Variants in PWWP2A observed in about 807,000 individuals in gnomAD.
The protein encoded by PWWP2A is PWWP domain-containing protein 2A.
PWWP2A carries 18 observed loss-of-function variants against 48.5 expected under a neutral mutation model. The ratio of observed to expected loss-of-function variants is 0.37; its 90% CI spans 0.26 to 0.55. The LOEUF is 0.55. PWWP2A is among the 20% of genes least tolerant of loss of function. The probability of loss-of-function intolerance (pLI) is 0.81; values close to 1 mark genes in which losing one functional copy is unlikely to be tolerated. For missense variants in PWWP2A, 867 were observed against 976.4 expected (o/e 0.89, Z 1.49); for synonymous variants, 396 against 387.7 (o/e 1.02, Z -0.25).
At chr5:160,098,332 A>G (rs1300602359) in intron 1 of PWWP2A, among the ~76,000 whole-genome samples, 2 of 152,216 alleles carry the variant, frequency 1.3e-5, no homozygotes, top group Non-Finnish European at 2.9e-5. Flanking sequence ...GTGTGTGGGT[A>G]GTGAATGCCT....
chr5:160,075,423 G>A (rs1038502228), downstream of PWWP2A, among the ~76,000 whole-genome samples: 13 of 152,108 alleles, frequency 8.5e-5, no homozygotes, highest in Non-Finnish European at 1.5e-4. Context: ...GGTTTTAAAA[G>A]GCTAATTTTT....
At chr5:160,117,484 G>A (rs1030303642) in intron 1 of PWWP2A, among the ~76,000 whole-genome samples, 5 of 152,094 alleles carry the variant, frequency 3.3e-5, no homozygotes, top group South Asian at 2.1e-4. Context: ...GTGAAATCCC[G>A]GCTCTAGTTA....
Position 160,068,930 on chromosome 5 carries a change from T to C in PWWP2A, c.*80-2059A>G, listed in dbSNP as rs1012324182. ...TTACCTCAAGATCAATAGAAACTAG[T>C]CATCTCCATAAATTTTAAGACCCAG... On this transcript the variant is annotated intron_variant and NMD_transcript_variant, in intron 2 of 5. Coordinates refer to the PWWP2A transcript ENST00000524050. Among the ~76,000 whole-genome samples the C allele has an allele frequency of 7.9e-5, 12 of 152,308 alleles. No homozygotes were observed. In the East Asian group the frequency reaches 2.1e-3, roughly 27 times the overall value.
Position 160,078,074 on chromosome 5 carries a change from A to T in PWWP2A, c.*81T>A. The T allele has an allele frequency of 1.6e-6, 2 of 1,279,174 alleles. No individual in the cohort carries two copies. The highest frequency in any genetic ancestry group is 2.2e-6 in the Non-Finnish European group (2 of 901,340). 79.2% of individuals were successfully genotyped at this position (1,279,174 alleles called of 1,614,324 possible). A position where few individuals can be genotyped will look rare whatever the true frequency, so the allele number is the denominator to read the frequency against. On this transcript the variant is annotated 3_prime_UTR_variant, in exon 4 of 4. Coordinates refer to the PWWP2A transcript ENST00000456329. The surrounding 1 kb of genome is among the most constrained non-coding windows in gnomAD (Gnocchi z 4.2). ...AACATTTACTTCTTAGTGCAGCTTT[A>T]AAAACTCCAATTTCATTCAGTCCTG...
chr5:160,065,578 G>A, intron 4 of PWWP2A: 3 of 348,226 alleles, frequency 8.6e-6, no homozygotes, highest in Middle Eastern at 1.0e-3. Context: ...GTCACGTAAC[G>A]ACAACTAAGG....
At chr5:160,094,268 A>G (rs1051063664) in intron 1 of PWWP2A, among the ~76,000 whole-genome samples, 9 of 152,224 alleles carry the variant, frequency 5.9e-5, no homozygotes, top group Non-Finnish European at 8.8e-5. Context: ...CATTTTTGGT[A>G]AAAACAAACA....
chr5:160,095,867 G>A (rs1430438625), intron 1 of PWWP2A, among the ~76,000 whole-genome samples: 3 of 151,722 alleles, frequency 2.0e-5, no homozygotes, highest in Non-Finnish European at 2.9e-5. Context: ...GCTAATTTTA[G>A]TATTTTTTGT....
intron 1 of PWWP2A, among the ~76,000 whole-genome samples, chr5:160,103,233 T>C (rs2113606870): frequency 6.6e-6 from 1 of 152,242 alleles, no homozygotes. Flanking sequence ...AATAAGAAGC[T>C]AAAAAAGTGT....
rs139558651 is a variant in PWWP2A, at chr5:160,063,163, G to A, written c.*368+379C>T. Among the ~76,000 whole-genome samples the A allele has an allele frequency of 5.8e-4, 88 of 152,292 alleles. 1 individual carries two copies. The highest frequency in any genetic ancestry group is 2.0e-3 in the African/African-American group (84 of 41,556). On this transcript the variant is annotated intron_variant and NMD_transcript_variant, in intron 5 of 5. Coordinates refer to the PWWP2A transcript ENST00000524050. The stretch of plus-strand genomic sequence containing the variant: ...CTCTGGACATAGTGAGCTTCCTTGG[G>A]CTAGTTCTTAAGCCTGAGACTAAAA...
At chr5:160,046,700 C>T in the PWWP2A span, among the ~76,000 whole-genome samples, 7 of 152,184 alleles carry the variant, frequency 4.6e-5, no homozygotes, top group East Asian at 7.7e-4. Context: ...GGAAAATGCA[C>T]GGATTTTTTA....
At chr5:160,117,278 A>C (rs749594563) in intron 1 of PWWP2A, among the ~76,000 whole-genome samples, 3 of 152,150 alleles carry the variant, frequency 2.0e-5, no homozygotes, top group Non-Finnish European at 4.4e-5. Context: ...TAGGCAGCAC[A>C]GCAAGACCCT....
downstream of PWWP2A, among the ~76,000 whole-genome samples, chr5:160,075,615 G>T (rs1484549543): frequency 2.6e-5 from 4 of 151,966 alleles, no homozygotes; most frequent in Non-Finnish European, 1.5e-5. Context: ...AGGGTAGGTT[G>T]TTTCTATCGA....
At chr5:160,090,316 C>T (rs1461685620), downstream of PWWP2A, 2 of 984,820 alleles carry the variant, frequency 2.0e-6, no homozygotes, top group African/African-American at 3.5e-5. Context: ...TTACACAAAG[C>T]CTTGGAATTA....
At position 160,092,688 on chromosome 5, in the gene PWWP2A, A is replaced by G. The variant is rs1755204337; in HGVS notation, c.1962T>C (p.Cys654=). Residue 654 remains cysteine (C), a synonymous_variant, in exon 2 of 2, where the codon TGT becomes TGC. Transcript: ENST00000307063. ...TCTTGGCCCAAACAATGTCCCCTAC[A>G]CATATGGTCCTGCCATCTGGTGTGA... ...KCVTPDGRTI[C]VGDIVWAKIY... 1 of 1,551,676 alleles carries G rather than the reference A, an allele frequency of 6.4e-7. No individual in the cohort carries two copies. Among genetic ancestry groups the G allele is most frequent in the Non-Finnish European group, 8.7e-7 (1 of 1,146,992 alleles).
intron 4 of PWWP2A, among the ~76,000 whole-genome samples, chr5:160,064,562 G>GC (rs1753542155): frequency 1.3e-5 from 2 of 152,226 alleles, no homozygotes; most frequent in South Asian, 4.1e-4. Context: ...ACCTGGCTTG[G>GC]CAGGGTGCCT....
At chr5:160,066,649 T>C (rs926859541) in intron 3 of PWWP2A, 2 of 152,134 alleles carry the variant, frequency 1.3e-5, no homozygotes, top group Non-Finnish European at 2.9e-5. Context: ...TCCATTTATG[T>C]GCATTCTATC....
intron 1 of PWWP2A, among the ~76,000 whole-genome samples, chr5:160,099,179 G>A (rs954934545): frequency 2.6e-5 from 4 of 152,110 alleles, no homozygotes; most frequent in Non-Finnish European, 2.9e-5. Flanking sequence ...AGATTTTATT[G>A]AACAAGTGTT....
downstream of PWWP2A, among the ~76,000 whole-genome samples, chr5:160,087,635 A>C (rs1581179456): frequency 6.6e-6 from 1 of 152,238 alleles, no homozygotes; most frequent in Admixed American, 6.5e-5. Context: ...TGATGGTTGA[A>C]CAACACTGTG....
chr5:160,114,460 A>G (rs1349878076), intron 1 of PWWP2A, among the ~76,000 whole-genome samples: 2 of 149,292 alleles, frequency 1.3e-5, no homozygotes, highest in Non-Finnish European at 3.0e-5. Flanking sequence ...GACTGTCTCA[A>G]AAAAAAGAAA....
Sources: allele counts gnomAD v4.1 joint callset (sites outside exome capture counted in the v4.1 genomes callset), GRCh38; gene constraint gnomAD v4.1.1; non-coding constraint Gnocchi (gnomAD v3.1); transcripts MANE v1.5; gene names NCBI Gene and HGNC (gene_info 2026-07-23, HGNC 2026-07-21).